CDH8: variants seen among roughly 807,000 people sequenced by gnomAD.
CDH8 encodes the protein cadherin-8.
In CDH8, 17 loss-of-function variants were observed where a neutral mutation model predicts 68.1. That is an observed-to-expected ratio of 0.25 (90% CI 0.17 to 0.37). CDH8 has a LOEUF of 0.37. CDH8 is among the 10% of genes least tolerant of loss of function. The probability of loss-of-function intolerance (pLI) is 1.00; values close to 1 mark genes in which losing one functional copy is unlikely to be tolerated. For synonymous variants in CDH8, 372 were observed against 365.1 expected, an observed-to-expected ratio of 1.02 and a Z score of -0.21; for missense variants, 763 against 999.3, an observed-to-expected ratio of 0.76 and a Z score of 3.19.
intron 8 of CDH8, among the ~76,000 whole-genome samples, chr16:61,731,494 G>T (rs1466791991): frequency 6.6e-6 from 1 of 151,642 alleles, no homozygotes; most frequent in Non-Finnish European, 1.5e-5. Flanking sequence ...ATCAAAGAGA[G>T]CCCTGCCAAA....
At chr16:61,744,491 A>T (rs770247440) in intron 8 of CDH8, among the ~76,000 whole-genome samples, 2 of 152,024 alleles carry the variant, frequency 1.3e-5, no homozygotes, top group African/African-American at 4.8e-5. Flanking sequence ...CTGTGATAAG[A>T]GACATGATCT....
intron 2 of CDH8, among the ~76,000 whole-genome samples, chr16:61,911,632 CA>C (rs60097668): frequency 0.14 from 21,001 of 147,602 alleles, 1,637 homozygotes; most frequent in Middle Eastern, 0.2. Context: ...AACCCCCCCC[CA>C]CCACCTCTCT....
chr16:62,004,550 G>T (rs1464807602), intron 2 of CDH8, among the ~76,000 whole-genome samples: 3 of 152,140 alleles, frequency 2.0e-5, no homozygotes, highest in South Asian at 2.1e-4. Context: ...ACAAAAAAAG[G>T]TAGAAGCTGT....
chr16:61,957,359 C>G (rs1172439216), intron 2 of CDH8, among the ~76,000 whole-genome samples: 1 of 152,088 alleles, frequency 6.6e-6, no homozygotes, highest in Non-Finnish European at 1.5e-5. Context: ...GAAAGAATGT[C>G]GATTTAAGAG....
intron 8 of CDH8, among the ~76,000 whole-genome samples, chr16:61,735,111 A>T (rs1294731149): frequency 1.3e-5 from 2 of 152,028 alleles, no homozygotes; most frequent in African/African-American, 4.8e-5. Flanking sequence ...TATTTCTAAT[A>T]AGGACACTTG....
intron 7 of CDH8, among the ~76,000 whole-genome samples, chr16:61,799,569 T>C (rs8057760): frequency 0.39 from 58,563 of 151,874 alleles, 12,033 homozygotes; most frequent in African/African-American, 0.52. Context: ...GTAAGAGAAA[T>C]ATGTATAATA....
chr16:62,020,498 GCACACACACACACA>G (rs3072068), intron 2 of CDH8, among the ~76,000 whole-genome samples: 2 of 149,656 alleles, frequency 1.3e-5, no homozygotes, highest in African/African-American at 2.5e-5. Context: ...ACGCGCGCGC[GCACACACACACACA>G]CACACACACA....
intron 8 of CDH8, among the ~76,000 whole-genome samples, chr16:61,787,899 C>T (rs940161524): frequency 8.9e-6 from 1 of 111,872 alleles, no homozygotes; most frequent in African/African-American, 3.6e-5. Context: ...AATGAGATCA[C>T]ATGGACACAG....
At chr16:61,924,136 T>C (rs1249470380) in intron 2 of CDH8, among the ~76,000 whole-genome samples, 1 of 152,008 alleles carries the variant, frequency 6.6e-6, no homozygotes, top group Admixed American at 6.6e-5. Context: ...TGTTGTTGTG[T>C]TGTTGTCGTT....
chr16:61,934,461 T>C (rs567236029), intron 2 of CDH8, among the ~76,000 whole-genome samples: 1 of 152,310 alleles, frequency 6.6e-6, no homozygotes, highest in Non-Finnish European at 1.5e-5. Flanking sequence ...TATTGTATCC[T>C]ATGCATTTAA....
intron 8 of CDH8, among the ~76,000 whole-genome samples, chr16:61,787,917 A>AC (rs1326565763): frequency 2.0e-5 from 2 of 100,432 alleles, no homozygotes; most frequent in Non-Finnish European, 3.5e-5. Flanking sequence ...CAGGAAGGGG[A>AC]ATATCACACT....
At chr16:61,726,545 T>A (rs1010014721) in intron 9 of CDH8, 1 of 151,058 alleles carries the variant, frequency 6.6e-6, no homozygotes, top group Non-Finnish European at 1.5e-5. Flanking sequence ...GACCCATCTA[T>A]GCAATATGAG....
chr16:62,004,358 T>C (rs758466028), intron 2 of CDH8, among the ~76,000 whole-genome samples: 5 of 152,166 alleles, frequency 3.3e-5, no homozygotes, highest in African/African-American at 4.8e-5. Flanking sequence ...TCGCTTTGTC[T>C]AACTTCAGAG....
intron 1 of CDH8, among the ~76,000 whole-genome samples, chr16:62,027,950 C>T (rs1902233377): frequency 6.6e-6 from 1 of 152,108 alleles, no homozygotes; most frequent in Admixed American, 6.6e-5. Context: ...TCAGCCACAA[C>T]CCTTCCGGTC....
chr16:61,767,855 C>T (rs915615586), intron 8 of CDH8, among the ~76,000 whole-genome samples: 6 of 152,010 alleles, frequency 3.9e-5, no homozygotes, highest in East Asian at 1.9e-4. Flanking sequence ...TGTGGCATAT[C>T]GGTAAGGCAG....
chr16:61,908,536 T>C (rs1000393636), intron 2 of CDH8, among the ~76,000 whole-genome samples: 5 of 152,222 alleles, frequency 3.3e-5, no homozygotes, highest in Non-Finnish European at 5.9e-5. Flanking sequence ...CCTTCTTTCA[T>C]ACTACAGAAT....
At chr16:61,991,231 G>T (rs1460503290) in intron 2 of CDH8, among the ~76,000 whole-genome samples, 4 of 152,138 alleles carry the variant, frequency 2.6e-5, no homozygotes, top group Non-Finnish European at 5.9e-5. Flanking sequence ...GGTAAGCAGG[G>T]GCGGAAGGGA....
At chr16:61,868,089 A>G (rs1963289772) in intron 3 of CDH8, among the ~76,000 whole-genome samples, 1 of 152,162 alleles carries the variant, frequency 6.6e-6, no homozygotes, top group African/African-American at 2.4e-5. Context: ...TATTCATTTA[A>G]TCTTTGCAAC....
At chr16:61,951,731 G>A (rs1266557630) in intron 2 of CDH8, among the ~76,000 whole-genome samples, 1 of 152,034 alleles carries the variant, frequency 6.6e-6, no homozygotes, top group Non-Finnish European at 1.5e-5. Context: ...CTCACCTACA[G>A]CACTTTTATA....
Sources: allele counts gnomAD v4.1 joint callset (sites outside exome capture counted in the v4.1 genomes callset), GRCh38; gene constraint gnomAD v4.1.1; transcripts MANE v1.5; gene names NCBI Gene and HGNC (gene_info 2026-07-23, HGNC 2026-07-21).